The following GCKR variants were observed in gnomAD, a reference collection of about 807,000 sequenced individuals.
The protein encoded by GCKR is glucokinase regulatory protein.
A neutral mutation model predicts 82.9 loss-of-function variants in GCKR; 73 were observed. The observed-to-expected ratio is 0.88, with a 90% CI of 0.73 to 1.07. The LOEUF (loss-of-function observed/expected upper bound fraction) is 1.07, where lower values mean the gene tolerates loss of function less well. GCKR is among the 50% of genes least tolerant of loss of function. The pLI is 0.00. For synonymous variants in GCKR, 294 were observed against 291.8 expected (o/e 1.01, Z -0.08); for missense variants, 784 against 782.1 (o/e 1.00, Z -0.03).
At chr2:27,507,167 C>A (rs1271988667) in intron 12 of GCKR, 68 bp from the exon 13 acceptor site, 1 of 1,119,352 alleles carries the variant, frequency 8.9e-7, no homozygotes, top group Non-Finnish European at 1.4e-6. Context: ...TTTTCTCCCC[C>A]TGAAGCCTAG....
At chr2:27,505,176 C>T (rs1053760133) in intron 9 of GCKR, among the ~76,000 whole-genome samples, 3 of 126,664 alleles carry the variant, frequency 2.4e-5, no homozygotes, top group African/African-American at 6.1e-5. Flanking sequence ...GTGGGCGAAT[C>T]ACGAGGTCAG....
chr2:27,504,775 G>A (rs1669670581), intron 9 of GCKR, among the ~76,000 whole-genome samples: 1 of 152,082 alleles, frequency 6.6e-6, no homozygotes, highest in African/African-American at 2.4e-5. Flanking sequence ...TGTGGTATTT[G>A]GATTGATAAA....
At chr2:27,503,811 C>T (rs898594596) in intron 9 of GCKR, among the ~76,000 whole-genome samples, 192 bp downstream of exon 9, 2 of 152,220 alleles carry the variant, frequency 1.3e-5, no homozygotes, top group African/African-American at 4.8e-5. Context: ...ATTTCGTCTT[C>T]ATTCCAACCC....
At chr2:27,515,763 ATATTTTTT>A (rs1183104766) in intron 16 of GCKR, among the ~76,000 whole-genome samples, 1 of 127,092 alleles carries the variant, frequency 7.9e-6, no homozygotes, top group African/African-American at 3.0e-5. Context: ...ATATATATAT[ATATTTTTT>A]TTTTTTTTTT....
At chr2:27,510,279 G>T (rs140744986) in intron 16 of GCKR, among the ~76,000 whole-genome samples, 1 of 152,132 alleles carries the variant, frequency 6.6e-6, no homozygotes. Context: ...AAAGTGCTGC[G>T]ATTACAGGCG....
In GCKR at chr2:27,498,322, C is replaced by T. The variant is rs778664407; in HGVS notation, c.353C>T (p.Ser118Leu). ...GTSGRMAFLM[S>L]VSFNQLMKGL... ...TCTGGCCGGATGGCATTCCTCATGT[C>T]GGTGAGCACCCTGGTCTCCAGTTTT... is the stretch of plus-strand genomic sequence containing the variant. The change falls in exon 4 of 19, where the codon TCG becomes TTG. Residue 118 changes from serine (S) to leucine (L), a missense_variant and splice_region_variant. Physicochemically the swap from Ser to Leu is moderately radical, Grantham distance 145. Coordinates refer to ENST00000264717, the MANE Select transcript of GCKR (RefSeq NM_001486.4). The T allele has an allele frequency of 9.9e-6, 16 of 1,609,182 alleles. No individual in the cohort carries two copies. The highest frequency in any genetic ancestry group is 8.3e-5 in the Admixed American group (5 of 59,984).
intron 17 of GCKR, 51 bp from the exon 18 acceptor site, chr2:27,522,409 T>C: frequency 6.2e-7 from 1 of 1,603,092 alleles, no homozygotes; most frequent in Non-Finnish European, 8.5e-7. Flanking sequence ...GACTCCATTC[T>C]TAGTTCCTCT....
At chr2:27,505,599 C>A (rs1428279292) in intron 9 of GCKR, 119 bp from the exon 10 acceptor site, 1 of 726,114 alleles carries the variant, frequency 1.4e-6, no homozygotes, top group Non-Finnish European at 2.6e-6. Flanking sequence ...CAGCACCCTT[C>A]CTCACAAGCA....
intron 14 of GCKR, 63 bp downstream of exon 14, chr2:27,507,840 T>A (rs1669786932): frequency 8.3e-7 from 1 of 1,199,362 alleles, no homozygotes; most frequent in Non-Finnish European, 1.2e-6. Context: ...TCAGAGGAGC[T>A]GTTGTTTTTC....
In GCKR at chr2:27,501,199, T is replaced by C; in HGVS notation, c.614T>C (p.Leu205Pro). Reference protein sequence around the residue: ...MNNTAVFLPVLVGFNPVSMAR... With the variant: ...MNNTAVFLPVPVGFNPVSMAR... ...AACACAGCTGTCTTCTTGCCAGTCC[T>C]GGTTGGCTTCAATCCAGTGAGCATG... Residue 205 changes from leucine (L) to proline (P), a missense_variant, in exon 8 of 19, where the codon CTG becomes CCG. Coordinates refer to ENST00000264717, the MANE Select transcript of GCKR (RefSeq NM_001486.4). The C allele has an allele frequency of 6.2e-7, 1 of 1,613,986 alleles. No individual in the cohort carries two copies. The highest frequency in any genetic ancestry group is 8.5e-7 in the Non-Finnish European group (1 of 1,179,796).
At chr2:27,516,921 T>C (rs1670024873) in intron 16 of GCKR, among the ~76,000 whole-genome samples, 1 of 152,156 alleles carries the variant, frequency 6.6e-6, no homozygotes, top group African/African-American at 2.4e-5. Flanking sequence ...CAGGGTTTTG[T>C]GTGAACAGCT....
intron 16 of GCKR, among the ~76,000 whole-genome samples, chr2:27,517,847 T>C (rs1162992974): frequency 5.3e-5 from 8 of 152,188 alleles, no homozygotes; most frequent in African/African-American, 1.9e-4. Flanking sequence ...CCAGGAGATA[T>C]TTGTGGCAAA....
chr2:27,496,908 C>G lies in GCKR; in HGVS notation c.4C>G (p.Pro2Ala), dbSNP rs1669425091. M[P>A]GTKRFQHVIE... Reference sequence around the variant, plus strand: ...AGTGTATCCACAGCGTGGGACCATGCCAGGCACAAAACGGTTTCAACATGT... The same window carrying G: ...AGTGTATCCACAGCGTGGGACCATGGCAGGCACAAAACGGTTTCAACATGT... Residue 2 changes from proline to alanine, a missense_variant, in exon 1 of 19, where the codon CCA becomes GCA. Coordinates refer to ENST00000264717, the MANE Select transcript of GCKR (RefSeq NM_001486.4). 1.2e-6 allele frequency: 2 copies of G among 1,613,262 alleles called. No individual in the cohort carries two copies. Among genetic ancestry groups the G allele is most frequent in the Non-Finnish European group, 8.5e-7 (1 of 1,179,216 alleles).
intron 16 of GCKR, among the ~76,000 whole-genome samples, chr2:27,511,437 C>CT (rs1669879260): frequency 6.6e-6 from 1 of 151,982 alleles, no homozygotes; most frequent in Non-Finnish European, 1.5e-5. Context: ...TGGCTCACGC[C>CT]TGTAATCCCA....
intron 17 of GCKR, among the ~76,000 whole-genome samples, chr2:27,522,013 T>C (rs1460590677): frequency 6.6e-6 from 1 of 152,188 alleles, no homozygotes; most frequent in African/African-American, 2.4e-5. Flanking sequence ...TGTGACCCAC[T>C]GTGCCCAGCC....
chr2:27,497,567 C>T lies in GCKR; in HGVS notation c.222C>T (p.Leu74=). The T allele has an allele frequency of 3.1e-6, 5 of 1,611,882 alleles. No homozygotes were observed. Among genetic ancestry groups the T allele is most frequent in the Non-Finnish European group, 4.2e-6 (5 of 1,177,914 alleles). The part of the protein sequence containing the change: ...EGQALSTYQR[L]YSESILTTMV... Reference sequence around the variant, plus strand: ...TTCCTGCATATTCCCTACAGAGACTCTACAGCGAATCCATTCTGACCACCA... The same window carrying T: ...TTCCTGCATATTCCCTACAGAGACTTTACAGCGAATCCATTCTGACCACCA... Residue 74 remains leucine (L), a synonymous_variant, in exon 3 of 19, where the codon CTC becomes CTT. Coordinates refer to ENST00000264717, the MANE Select transcript of GCKR (RefSeq NM_001486.4).
Position 27,518,896 on chromosome 2 carries a change from A to G in GCKR, c.1531A>G (p.Ser511Gly). 2 of 1,604,846 alleles carry G rather than the reference A, an allele frequency of 1.2e-6. No homozygotes were observed. Among genetic ancestry groups the G allele is most frequent in the Non-Finnish European group, 1.7e-6 (2 of 1,174,582 alleles). The change falls in exon 17 of 19, where the codon AGC (serine) becomes GGC (glycine). Residue 511 changes from serine (S) to glycine (G), a missense_variant. Physicochemically the swap from Ser to Gly is moderately conservative, Grantham distance 56 (BLOSUM62 0). Transcript: ENST00000264717. ...AAACCACATGTTGGACCTTCGGATT[A>G]GCAACTCCAAGCTCTTCTGGCGGGC... is the stretch of plus-strand genomic sequence containing the variant. The part of the protein sequence containing the change: ...LQNHMLDLRI[S>G]NSKLFWRALA...
intron 6 of GCKR, 94 bp from the exon 7 acceptor site, chr2:27,499,303 C>T (rs1669511970): frequency 2.2e-6 from 3 of 1,345,752 alleles, no homozygotes; most frequent in South Asian, 1.2e-5. Flanking sequence ...CCTATTTCCT[C>T]CCTCCCCTGT....
chr2:27,522,581 A>C lies in GCKR; in HGVS notation c.1694A>C (p.His565Pro), dbSNP rs547873593. ...ATCTCCTGCCATGTCCAGGTTGCAC[A>C]TGAGAAGGAACAGGTATCCTGCCCA... ...APISCHVQVA[H>P]EKEQVIPIAL... The change falls in exon 18 of 19, where the codon CAT becomes CCT. Residue 565 changes from histidine (H) to proline (P), a missense_variant. By Grantham distance (77) the His-to-Pro change is moderately conservative. Coordinates refer to ENST00000264717, the MANE Select transcript of GCKR (RefSeq NM_001486.4). The C allele has an allele frequency of 6.2e-7, 1 of 1,613,856 alleles. No homozygotes were observed. Among genetic ancestry groups the C allele is most frequent in the Non-Finnish European group, 8.5e-7 (1 of 1,179,714 alleles).
Sources: gnomAD v4.1 joint callset for allele counts (sites outside exome capture counted in the v4.1 genomes callset) on GRCh38, gnomAD v4.1.1 for gene constraint, MANE v1.5 for transcripts, NCBI Gene and HGNC (gene_info 2026-07-23, HGNC 2026-07-21) for gene names.